Variants in ANKS1B observed in about 807,000 individuals in gnomAD.
ANKS1B encodes the protein ankyrin repeat and sterile alpha motif domain containing 1B.
ANKS1B carries 36 observed loss-of-function variants against 148.3 expected under a neutral mutation model. That is an observed-to-expected ratio of 0.24 (90% CI 0.19 to 0.32). ANKS1B has a LOEUF of 0.32. Among genes scored for constraint, ANKS1B ranks in the 10% least tolerant of loss-of-function variants. ANKS1B has a pLI of 1.00. For synonymous variants in ANKS1B, 542 were observed against 560.8 expected, an observed-to-expected ratio of 0.97 and a Z score of 0.47; for missense variants, 1,157 against 1,542.6, an observed-to-expected ratio of 0.75 and a Z score of 4.19.
intron 17 of ANKS1B, among the ~76,000 whole-genome samples, chr12:99,035,420 T>C (rs2099954896): frequency 6.6e-6 from 1 of 152,170 alleles, no homozygotes; most frequent in Non-Finnish European, 1.5e-5. Context: ...TTCCTGGCTT[T>C]CTTCACTCAG....
At chr12:99,583,534 T>C (rs1206033952) in intron 9 of ANKS1B, among the ~76,000 whole-genome samples, 1 of 152,230 alleles carries the variant, frequency 6.6e-6, no homozygotes, top group Non-Finnish European at 1.5e-5. Flanking sequence ...TATGATCAGT[T>C]CTTTTTCCAC....
chr12:99,308,795 A>AT (rs957882645), intron 12 of ANKS1B, among the ~76,000 whole-genome samples: 24 of 151,232 alleles, frequency 1.6e-4, no homozygotes, highest in Non-Finnish European at 3.4e-4. Context: ...ACTGTTCTGT[A>AT]TTTTTTTCCA....
rs988001908 is a variant in ANKS1B at position 99,961,816 on chromosome 12, C to T, written c.134+22288G>A. On this transcript the variant is annotated intron_variant, in intron 1 of 26. Coordinates refer to ENST00000683438, the MANE Select transcript of ANKS1B (RefSeq NM_001352186.2). ...AGGAACAAATAGGATAGGTACTCTG[C>T]ATGTTCCCTTGTTCTGCTGATGAAT... Among the ~76,000 whole-genome samples the T allele has an allele frequency of 2.0e-5, 3 of 152,154 alleles. No individual in the cohort carries two copies. The South Asian group carries it at 6.2e-4, about 31-fold the overall frequency.
At chr12:98,763,271 CT>C (rs1333913025) in intron 25 of ANKS1B, among the ~76,000 whole-genome samples, 1 of 152,220 alleles carries the variant, frequency 6.6e-6, no homozygotes, top group Non-Finnish European at 1.5e-5. Flanking sequence ...TATTCACAGA[CT>C]TCATTGACAT....
chr12:98,820,217 A>G (rs1414655237), intron 19 of ANKS1B, among the ~76,000 whole-genome samples: 1 of 152,250 alleles, frequency 6.6e-6, no homozygotes, highest in Non-Finnish European at 1.5e-5. Flanking sequence ...TTCACACGAC[A>G]GCTGTGAAGC....
exon 10 of ANKS1B, chr12:98,735,563 A>G (rs774654988): frequency 5.2e-6 from 4 of 768,986 alleles, no homozygotes; most frequent in Non-Finnish European, 9.8e-6. Flanking sequence ...AATTCTATCA[A>G]AATTTTCTGA....
At chr12:98,979,293 A>T (rs1247135742) in intron 17 of ANKS1B, among the ~76,000 whole-genome samples, 1 of 150,036 alleles carries the variant, frequency 6.7e-6, no homozygotes, top group African/African-American at 2.5e-5. Context: ...TTTGAGATGG[A>T]GTCTCGCTCT....
At position 99,648,262 on chromosome 12, in the gene ANKS1B, C is replaced by T. The variant is rs11109968; in HGVS notation, c.1272+6805G>A. ...TAACACCTCCATGGGGAAGCTGCAG[C>T]GGCAACTGTACAAAGGCGAGTATAC... On this transcript the variant is annotated intron_variant, in intron 9 of 26. Transcript: ENST00000683438. 6.8e-6 allele frequency: 11 copies of T among 1,613,920 alleles called. No homozygotes were observed. In the South Asian group the frequency reaches 8.8e-5, roughly 13 times the overall value.
chr12:99,710,389 T>C (rs530954519), intron 8 of ANKS1B, among the ~76,000 whole-genome samples: 10 of 152,254 alleles, frequency 6.6e-5, no homozygotes, highest in African/African-American at 2.4e-4. Context: ...AAGAAATAGC[T>C]GTTGGTGTTC....
At chr12:99,805,286 A>AAAAAAAAAAAT in intron 4 of ANKS1B, among the ~76,000 whole-genome samples, 1 of 149,214 alleles carries the variant, frequency 6.7e-6, no homozygotes, top group Non-Finnish European at 1.5e-5. Context: ...AAAAAAAAAA[A>AAAAAAAAAAAT]AAGACTAACC....
At chr12:99,798,740 T>C (rs1388207169) in intron 4 of ANKS1B, among the ~76,000 whole-genome samples, 1 of 152,088 alleles carries the variant, frequency 6.6e-6, no homozygotes, top group African/African-American at 2.4e-5. Context: ...AATACCATTG[T>C]TGCTATTCAA....
rs542604258 is a variant in ANKS1B at position 98,880,205 on chromosome 12, G to A, written c.2779-48069C>T. Among the ~76,000 whole-genome samples the A allele has an allele frequency of 2.6e-5, 4 of 152,244 alleles. No homozygotes were observed. In the South Asian group the frequency reaches 8.3e-4, roughly 32 times the overall value. ...AAATACTAAAAGTGATACAATAACA[G>A]CTCATATTTAGGATTACCAAGTTTC... On this transcript the variant is annotated intron_variant, in intron 17 of 26. Transcript: ENST00000683438.
chr12:99,637,070 C>T (rs189723286), intron 9 of ANKS1B, among the ~76,000 whole-genome samples: 88 of 152,222 alleles, frequency 5.8e-4, no homozygotes, highest in Admixed American at 2.6e-3. Flanking sequence ...CTTTGGGAGG[C>T]CAAGGTGGGT....
chr12:98,756,517 A>T (rs2153420627), intron 25 of ANKS1B, among the ~76,000 whole-genome samples: 1 of 149,402 alleles, frequency 6.7e-6, no homozygotes, highest in East Asian at 2.0e-4. Context: ...GTTCAAGACC[A>T]GTCTGGCCAT....
rs151000066 is a variant in ANKS1B at position 99,040,687 on chromosome 12, A to G, written c.2778+12470T>C. On this transcript the variant is annotated intron_variant, in intron 17 of 26. Coordinates refer to ENST00000683438, the MANE Select transcript of ANKS1B (RefSeq NM_001352186.2). ...TCTCATAGGGTTCAGGTGAGGGGAAATATATCAGGATATATGATGTATATA... is the reference window on the plus strand; with the variant it reads ...TCTCATAGGGTTCAGGTGAGGGGAAGTATATCAGGATATATGATGTATATA... Among the ~76,000 whole-genome samples, 391 of 152,320 alleles carry G rather than the reference A, an allele frequency of 2.6e-3. 2 individuals are homozygous for G. Among genetic ancestry groups the G allele is most frequent in the African/African-American group, 8.0e-3 (331 of 41,580 alleles).
chr12:99,385,971 T>C (rs1436723438), intron 12 of ANKS1B, among the ~76,000 whole-genome samples: 1 of 152,220 alleles, frequency 6.6e-6, no homozygotes, highest in Non-Finnish European at 1.5e-5. Context: ...TAGTGCTTCC[T>C]TTCACATGTG....
At chr12:99,869,806 A>T (rs1315307724) in intron 1 of ANKS1B, among the ~76,000 whole-genome samples, 1 of 152,180 alleles carries the variant, frequency 6.6e-6, no homozygotes, top group African/African-American at 2.4e-5. Flanking sequence ...CATCATATAA[A>T]AAAAGAACTC....
intron 10 of ANKS1B, among the ~76,000 whole-genome samples, chr12:99,497,958 T>C (rs2096619934): frequency 6.6e-6 from 1 of 152,150 alleles, no homozygotes; most frequent in African/African-American, 2.4e-5. Flanking sequence ...CCTAACACAG[T>C]TAACCTAAAG....
intron 17 of ANKS1B, among the ~76,000 whole-genome samples, chr12:99,021,238 A>G (rs754388364): frequency 6.6e-6 from 1 of 152,116 alleles, no homozygotes; most frequent in African/African-American, 2.4e-5. Context: ...CATGCCTTAC[A>G]CTTATTGACT....
Sources: allele counts gnomAD v4.1 joint callset (sites outside exome capture counted in the v4.1 genomes callset), GRCh38; gene constraint gnomAD v4.1.1; transcripts MANE v1.5; gene names NCBI Gene and HGNC (gene_info 2026-07-23, HGNC 2026-07-21).